The following NUP160 variants were observed in gnomAD, a reference collection of about 807,000 sequenced individuals.
NUP160 encodes nucleoporin 160.
NUP160 carries 94 observed loss-of-function variants against 196.9 expected under a neutral mutation model. The observed-to-expected ratio is 0.48, with a 90% CI of 0.40 to 0.57. The LOEUF (loss-of-function observed/expected upper bound fraction) is 0.57, where lower values mean the gene tolerates loss of function less well. Among genes scored for constraint, NUP160 ranks in the 20% least tolerant of loss-of-function variants. The pLI, the probability that NUP160 is intolerant of heterozygous loss-of-function variation, is 0.00. For synonymous variants in NUP160, 605 were observed against 619.7 expected (o/e 0.98, Z 0.35); for missense variants, 1,638 against 1,748.3 (o/e 0.94, Z 1.13).
rs764209979 is a variant in NUP160, at chr11:47,837,047, C to G, written c.828-46G>C. On this transcript the variant is annotated intron_variant, in intron 5 of 35. Coordinates refer to ENST00000378460, the Ensembl canonical transcript of NUP160. ...TTAGAGTTTTACTGCTGCAAAGAAT[C>G]TGATCATTAGAATTTGCAATTCAAG... 5.6e-6 allele frequency: 6 copies of G among 1,066,830 alleles called. No homozygotes were observed. The Admixed American group carries it at 5.8e-5, about 10-fold the overall frequency. 66.1% of individuals were successfully genotyped at this position (1,066,830 alleles called of 1,614,324 possible).
intron 2 of NUP160, among the ~76,000 whole-genome samples, chr11:47,842,316 G>A (rs558601156): frequency 4.6e-5 from 7 of 152,210 alleles, no homozygotes; most frequent in African/African-American, 9.6e-5. Context: ...CCTTTTCAGC[G>A]CTGATGATTT....
exon 2 of NUP160, chr11:47,847,915 C>T (rs1243724287): frequency 6.2e-7 from 1 of 1,614,144 alleles, no homozygotes; most frequent in Non-Finnish European, 8.5e-7. Flanking sequence ...AAGCCTCCCG[C>T]GCTTTCACTG....
chr11:47,787,968 C>T (rs1462413469), intron 31 of NUP160, among the ~76,000 whole-genome samples: 6 of 152,092 alleles, frequency 3.9e-5, no homozygotes, highest in African/African-American at 7.2e-5. Flanking sequence ...GTGATCCGCC[C>T]GCCTCGGCCT....
chr11:47,800,189 GGTT>G (rs1297347970), intron 23 of NUP160, among the ~76,000 whole-genome samples: 1 of 151,412 alleles, frequency 6.6e-6, no homozygotes, highest in Non-Finnish European at 1.5e-5. Context: ...GGTAGACGGA[GGTT>G]GCAGTGAGCC....
At position 47,818,130 on chromosome 11, in the gene NUP160, A is replaced by G; in HGVS notation, c.1363-6T>C. The G allele has an allele frequency of 6.3e-7, 1 of 1,592,118 alleles. No individual in the cohort carries two copies. The highest frequency in any genetic ancestry group is 8.6e-7 in the Non-Finnish European group (1 of 1,162,194). ...AGACTTTGCAGATACATCTCCTATT[A>G]GAACATTAAAACAAAAGTTACTATT... On this transcript the variant is annotated splice_region_variant and splice_polypyrimidine_tract_variant and intron_variant, in intron 10 of 35. Coordinates refer to ENST00000378460, the Ensembl canonical transcript of NUP160.
chr11:47,813,252 G>T (rs1283014414), intron 14 of NUP160, 64 bp downstream of exon 14: 7 of 1,243,716 alleles, frequency 5.6e-6, no homozygotes, highest in Non-Finnish European at 8.2e-6. Context: ...TTGTATCCAT[G>T]TGAAACGAAG....
intron 10 of NUP160, among the ~76,000 whole-genome samples, chr11:47,818,394 A>C (rs1234084446): frequency 6.6e-6 from 1 of 152,254 alleles, no homozygotes; most frequent in Non-Finnish European, 1.5e-5. Flanking sequence ...GTCAAATGCC[A>C]ATCTTAAATG....
chr11:47,788,188 G>T, exon 31 of NUP160: 1 of 1,612,248 alleles, frequency 6.2e-7, no homozygotes, highest in Non-Finnish European at 8.5e-7. Flanking sequence ...ATACTTGAAG[G>T]CAAGCCCTTC....
intron 17 of NUP160, among the ~76,000 whole-genome samples, chr11:47,811,264 T>C (rs1169215256): frequency 6.6e-6 from 1 of 152,094 alleles, no homozygotes; most frequent in African/African-American, 2.4e-5. Context: ...ATCCCAGCAC[T>C]TTGGGAGGCC....
chr11:47,802,648 AGC>A (rs2097674877), intron 22 of NUP160, among the ~76,000 whole-genome samples: 1 of 152,126 alleles, frequency 6.6e-6, no homozygotes, highest in Non-Finnish European at 1.5e-5. Flanking sequence ...ACGAGAAAAA[AGC>A]AGCATAAAAC....
intron 35 of NUP160, among the ~76,000 whole-genome samples, chr11:47,779,844 C>T (rs1359215525): frequency 6.6e-6 from 1 of 152,180 alleles, no homozygotes; most frequent in Non-Finnish European, 1.5e-5. Flanking sequence ...TCTCCTGCCT[C>T]AGCCTCCCGA....
exon 34 of NUP160, chr11:47,783,171 A>T (rs142950613): frequency 6.2e-7 from 1 of 1,613,718 alleles, no homozygotes; most frequent in East Asian, 2.2e-5. Flanking sequence ...TTTAAGTATA[A>T]ACGAAGCAAT....
intron 23 of NUP160, among the ~76,000 whole-genome samples, chr11:47,800,909 G>C (rs185851000): frequency 7.7e-4 from 118 of 152,338 alleles, no homozygotes; most frequent in Middle Eastern, 3.4e-3. Context: ...AGGCCAGGCA[G>C]AGGGCACTAT....
At chr11:47,841,553 C>G (rs574461941) in intron 2 of NUP160, 1 of 424,698 alleles carries the variant, frequency 2.4e-6, no homozygotes, top group African/African-American at 2.1e-5. Context: ...AAAACTGCAG[C>G]AGCAAACTGG....
intron 34 of NUP160, 60 bp downstream of exon 34, chr11:47,783,005 AACCACTGT>A: frequency 7.5e-7 from 1 of 1,337,646 alleles, no homozygotes; most frequent in Non-Finnish European, 1.1e-6. Context: ...ATCACTTTCA[AACCACTGT>A]AAAGTTGAAA....
At chr11:47,814,823 G>T (rs2097683388) in intron 13 of NUP160, among the ~76,000 whole-genome samples, 1 of 152,156 alleles carries the variant, frequency 6.6e-6, no homozygotes, top group African/African-American at 2.4e-5. Context: ...ACTGTTTAGA[G>T]AAAGAAGAAA....
intron 23 of NUP160, among the ~76,000 whole-genome samples, chr11:47,799,069 A>G (rs2097672629): frequency 6.6e-6 from 1 of 152,064 alleles, no homozygotes; most frequent in Non-Finnish European, 1.5e-5. Flanking sequence ...AACCCTAAAG[A>G]TAATTTACTA....
chr11:47,840,935 A>G (rs752000650), intron 2 of NUP160, among the ~76,000 whole-genome samples: 1 of 152,158 alleles, frequency 6.6e-6, no homozygotes, highest in African/African-American at 2.4e-5. Context: ...CTACAGCATC[A>G]AACAAAACTG....
At chr11:47,836,204 C>T (rs1036505065) in intron 6 of NUP160, among the ~76,000 whole-genome samples, 4 of 151,930 alleles carry the variant, frequency 2.6e-5, no homozygotes, top group Admixed American at 6.6e-5. Flanking sequence ...GGTGAGACTG[C>T]GCCATTGCAT....
Sources: allele counts gnomAD v4.1 joint callset (sites outside exome capture counted in the v4.1 genomes callset), GRCh38; gene constraint gnomAD v4.1.1; transcripts MANE v1.5; gene names NCBI Gene and HGNC (gene_info 2026-07-23, HGNC 2026-07-21).